HTT: variants seen among roughly 807,000 people sequenced by gnomAD.
HTT encodes the protein huntingtin, also known as huntington disease protein.
Under a neutral mutation model 362.3 loss-of-function variants are expected in HTT, and 104 were observed. That is an observed-to-expected ratio of 0.29 (90% CI 0.24 to 0.34). The LOEUF is 0.34. Ranked by LOEUF, HTT falls within the 10% of genes least tolerant of loss-of-function variation. The pLI is 1.00. For synonymous variants in HTT, 1,577 were observed against 1,548.7 expected, an observed-to-expected ratio of 1.02 and a Z score of -0.43; for missense variants, 3,301 against 3,928.6, an observed-to-expected ratio of 0.84 and a Z score of 4.27.
intron 22 of HTT, 73 bp downstream of exon 22, chr4:3,140,729 T>C (rs1716304464): frequency 7.2e-7 from 1 of 1,397,518 alleles, no homozygotes; most frequent in Non-Finnish European, 9.9e-7. Context: ...TAGGCTTTAA[T>C]TGAAAACATT....
At chr4:3,150,755 G>A (rs13149298) in intron 26 of HTT, among the ~76,000 whole-genome samples, 1 of 152,228 alleles carries the variant, frequency 6.6e-6, no homozygotes, top group Non-Finnish European at 1.5e-5. Context: ...CCGGACTGCA[G>A]GCCGTGCGTG....
chr4:3,212,490 T>C, intron 48 of HTT, 74 bp from the exon 49 acceptor site: 5 of 1,531,236 alleles, frequency 3.3e-6, no homozygotes, highest in South Asian at 1.2e-5. Context: ...TCTCAGAGAA[T>C]TGCTTGACTG....
At chr4:3,121,529 A>G (rs1409843674) in intron 9 of HTT, 97 bp downstream of exon 9, 4 of 766,982 alleles carry the variant, frequency 5.2e-6, no homozygotes, top group African/African-American at 3.5e-5. Flanking sequence ...AGCAGTCTGC[A>G]TTCCATCTTC....
Position 3,132,701 on chromosome 4 carries a change from C to T in HTT, c.2376C>T (p.Gly792=), listed in dbSNP as rs745736020. 5 of 1,614,086 alleles carry T rather than the reference C, an allele frequency of 3.1e-6. No homozygotes were observed. The East Asian group carries it at 1.1e-4, about 36-fold the overall frequency. Residue 792 remains glycine, a synonymous_variant, in exon 17 of 67, where the codon GGC becomes GGT. Transcript: ENST00000355072. ...GCTTCCACGTGGGAGATTGGATGGG[C>T]ACCATTAGAACCCTCACAGGTAACG... is the stretch of plus-strand genomic sequence containing the variant. ...RSRFHVGDWM[G]TIRTLTGNTF... is the part of the protein sequence containing the mutation.
At chr4:3,105,874 A>C (rs1714397691) in intron 5 of HTT, among the ~76,000 whole-genome samples, 2 of 152,204 alleles carry the variant, frequency 1.3e-5, no homozygotes, top group South Asian at 4.1e-4. Context: ...TGGTTGTTGC[A>C]CTGTGAATAG....
intron 32 of HTT, 56 bp from the exon 33 acceptor site, chr4:3,174,890 G>A (rs1718163663): frequency 1.1e-5 from 17 of 1,555,260 alleles, no homozygotes; most frequent in Non-Finnish European, 1.5e-5. Flanking sequence ...TTTGCTTGAA[G>A]CTTTTAGTTG....
intron 40 of HTT, among the ~76,000 whole-genome samples, chr4:3,193,006 G>A (rs1313141759): frequency 6.6e-6 from 1 of 152,264 alleles, no homozygotes; most frequent in African/African-American, 2.4e-5. Flanking sequence ...AGTGACAGAC[G>A]AAATGGGTGG....
At chr4:3,091,997 A>G (rs1464745389) in intron 2 of HTT, among the ~76,000 whole-genome samples, 1 of 152,126 alleles carries the variant, frequency 6.6e-6, no homozygotes, top group Non-Finnish European at 1.5e-5. Flanking sequence ...CTACCACTAA[A>G]AGGGGATTGA....
rs759630614 is a variant in HTT, at chr4:3,116,274, A to G, written c.1068+11A>G. 1.9e-6 allele frequency: 3 copies of G among 1,602,246 alleles called. No homozygotes were observed. The highest frequency in any genetic ancestry group is 2.7e-5 in the African/African-American group (2 of 74,706). The stretch of plus-strand genomic sequence containing the variant: ...GAGCAGCTTGTCCAGGTAGGAGCAC[A>G]GGGTTTACTCTAGGCCCTGCATGTG... On this transcript the variant is annotated intron_variant, in intron 8 of 66. Transcript: ENST00000355072.
intron 57 of HTT, among the ~76,000 whole-genome samples, chr4:3,226,080 A>C (rs1204227307): frequency 1.3e-5 from 2 of 152,104 alleles, no homozygotes; most frequent in African/African-American, 4.8e-5. Context: ...GTGAGGACAG[A>C]GTGGAGTCAG....
chr4:3,147,171 C>G (rs1716643917), intron 25 of HTT, among the ~76,000 whole-genome samples: 2 of 152,220 alleles, frequency 1.3e-5, no homozygotes, highest in African/African-American at 4.8e-5. Context: ...AATATAGCCC[C>G]TCAGTTAACT....
chr4:3,145,026 T>C, intron 23 of HTT, 126 bp from the exon 24 acceptor site: 2 of 745,614 alleles, frequency 2.7e-6, no homozygotes, highest in Non-Finnish European at 4.8e-6. Context: ...AGATATCCTG[T>C]GGTTATCATA....
intron 1 of HTT, among the ~76,000 whole-genome samples, chr4:3,080,589 A>G (rs1712841238): frequency 6.6e-6 from 1 of 152,148 alleles, no homozygotes; most frequent in Non-Finnish European, 1.5e-5. Flanking sequence ...TTGAAGTGTA[A>G]AAGTTTTTAA....
chr4:3,225,320 A>G (rs967817967), intron 56 of HTT, among the ~76,000 whole-genome samples: 4 of 152,164 alleles, frequency 2.6e-5, no homozygotes, highest in African/African-American at 9.7e-5. Context: ...GCTCGCCTGC[A>G]ACTGCTGACT....
intron 60 of HTT, 87 bp from the exon 61 acceptor site, chr4:3,233,076 G>T: frequency 1.8e-6 from 2 of 1,132,346 alleles, no homozygotes; most frequent in Non-Finnish European, 1.3e-6. Flanking sequence ...CAAGCGTGAG[G>T]GCAGCGCCCC....
At chr4:3,186,045 G>A (rs1718742444) in intron 37 of HTT, among the ~76,000 whole-genome samples, 1 of 152,188 alleles carries the variant, frequency 6.6e-6, no homozygotes, top group Non-Finnish European at 1.5e-5. Flanking sequence ...GAAGAGCAGA[G>A]ACGTTTATGA....
rs145120233 is a variant in HTT at position 3,188,876 on chromosome 4, C to G, written c.5226-75C>G. ...TTTTTACTTTATATTTACCATATAT[C>G]TTTTCATGTATACTTGGCGTAAGTG... On this transcript the variant is annotated intron_variant, in intron 39 of 66. Coordinates refer to ENST00000355072, the MANE Select transcript of HTT (RefSeq NM_001388492.1). The G allele has an allele frequency of 1.4e-5, 19 of 1,367,002 alleles. No homozygotes were observed. In the East Asian group the frequency reaches 3.7e-4, roughly 26 times the overall value. 84.7% of individuals were successfully genotyped at this position (1,367,002 alleles called of 1,614,324 possible). A position where few individuals can be genotyped will look rare whatever the true frequency, so the allele number is the denominator to read the frequency against.
chr4:3,101,922 C>A (rs865882159), intron 3 of HTT, among the ~76,000 whole-genome samples: 3 of 152,196 alleles, frequency 2.0e-5, no homozygotes, highest in Non-Finnish European at 4.4e-5. Context: ...CCTTCTTAAT[C>A]ATCACCGCCT....
In HTT at chr4:3,107,392, T is replaced by TAAAA; in HGVS notation, c.716_717insAAAA (p.Phe239LeufsTer8). Reference sequence around the variant, plus strand: ...GCTGTTCCCAAAATTATGGCTTCTTTTGGCAATTTTGCAAATGACAATGAA... The same window carrying TAAAA: ...GCTGTTCCCAAAATTATGGCTTCTTTAAAATGGCAATTTTGCAAATGACAATGAA... On this transcript the variant is annotated frameshift_variant, in exon 6 of 67. Transcript: ENST00000355072. LOFTEE classifies it high-confidence loss of function. 1 of 1,614,222 alleles carries TAAAA rather than the reference T, an allele frequency of 6.2e-7. No homozygotes were observed.
Sources: allele counts gnomAD v4.1 joint callset (sites outside exome capture counted in the v4.1 genomes callset), GRCh38; gene constraint gnomAD v4.1.1; transcripts MANE v1.5; gene names NCBI Gene and HGNC (gene_info 2026-07-23, HGNC 2026-07-21).